MZT2B: variants seen among roughly 807,000 people sequenced by gnomAD.
MZT2B encodes mitotic-spindle organizing protein 2B.
In MZT2B, 11 loss-of-function variants were observed where a neutral mutation model predicts 12.1. The ratio of observed to expected loss-of-function variants is 0.91; its 90% CI spans 0.57 to 1.50. The LOEUF is 1.50. Ranked by LOEUF, MZT2B falls within the 40% of genes most tolerant of loss-of-function variation. MZT2B has a pLI of 0.00. For missense variants in MZT2B, 209 were observed against 227.7 expected (o/e 0.92, Z 0.53); for synonymous variants, 85 against 109.5 (o/e 0.78, Z 1.40).
At chr2:130,202,670 C>T in the MZT2B span, among the ~76,000 whole-genome samples, 1 of 152,176 alleles carries the variant, frequency 6.6e-6, no homozygotes, top group Non-Finnish European at 1.5e-5. Flanking sequence ...TGCCTTTCAG[C>T]GTGCTGCCTG....
At chr2:130,184,555 T>G (rs1483619204) in intron 2 of MZT2B, 3 of 985,216 alleles carry the variant, frequency 3.0e-6, no homozygotes, top group Non-Finnish European at 3.6e-6. Context: ...GGGTCTTTGG[T>G]TGCACCTCCT....
chr2:130,190,677 A>G lies in MZT2B; in HGVS notation c.*51A>G. ...TTGTCCCCAGCAAAGGCTACATGTT[A>G]CCTCCTTCAATTGATAATAAACCTT... On this transcript the variant is annotated 3_prime_UTR_variant, in exon 3 of 3. Coordinates refer to ENST00000281871, the MANE Select transcript of MZT2B (RefSeq NM_025029.5). 6.4e-7 allele frequency: 1 copy of G among 1,558,446 alleles called. No homozygotes were observed. Among genetic ancestry groups the G allele is most frequent in the South Asian group, 1.2e-5 (1 of 85,378 alleles).
In MZT2B at chr2:130,182,342, G is replaced by T. The variant is rs780932617; in HGVS notation, c.60G>T (p.Ala20=). Residue 20 remains alanine, a synonymous_variant, in exon 1 of 3, where the codon GCG becomes GCT. Coordinates refer to ENST00000281871, the MANE Select transcript of MZT2B (RefSeq NM_025029.5). ...CGGCGGCGCCCCCGGGGCTGGAGGC[G>T]GCCCGGCAGAAGCTGGCGCTGCGGC... The part of the protein sequence containing the change: ...PGSAAPPGLE[A]ARQKLALRRK... 2 of 1,531,062 alleles carry T rather than the reference G, an allele frequency of 1.3e-6. No individual in the cohort carries two copies. 94.8% of individuals were successfully genotyped at this position (1,531,062 alleles called of 1,614,324 possible).
chr2:130,192,859 A>G (rs909133106), downstream of MZT2B, among the ~76,000 whole-genome samples: 17 of 152,080 alleles, frequency 1.1e-4, no homozygotes, highest in African/African-American at 4.1e-4. Context: ...ACTTTGGGAG[A>G]CAGGCGGGCA....
At chr2:130,202,936 T>C in the MZT2B span, among the ~76,000 whole-genome samples, 1 of 152,118 alleles carries the variant, frequency 6.6e-6, no homozygotes, top group African/African-American at 2.4e-5. Flanking sequence ...TGTGGCTGAT[T>C]CCCCCATAAC....
chr2:130,203,609 CT>C, the MZT2B span, among the ~76,000 whole-genome samples: 1 of 151,554 alleles, frequency 6.6e-6, no homozygotes, highest in East Asian at 2.0e-4. Flanking sequence ...ATTTTCTTTT[CT>C]TTCTTTTTTA....
At chr2:130,193,799 G>A (rs759484052), downstream of MZT2B, 9 of 1,607,966 alleles carry the variant, frequency 5.6e-6, no homozygotes, top group African/African-American at 2.7e-5. Context: ...AAATCCAGTC[G>A]GGCACCAATC....
the MZT2B span, among the ~76,000 whole-genome samples, chr2:130,197,492 CAAA>C: frequency 9.0e-5 from 4 of 44,402 alleles, no homozygotes; most frequent in African/African-American, 6.5e-5. Flanking sequence ...AGTGCTGTCT[CAAA>C]AAAAAAAAAA....
In MZT2B at chr2:130,183,623, C is replaced by T. The variant is rs1377603765; in HGVS notation, c.319+848C>T. 1.2e-5 allele frequency: 15 copies of T among 1,202,354 alleles called. No homozygotes were observed. The East Asian group carries it at 3.8e-4, about 31-fold the overall frequency. 74.5% of individuals were successfully genotyped at this position (1,202,354 alleles called of 1,614,324 possible). ...GCCTGGAAGCACGAGGAGACCCGCA[C>T]AGGCATCCTGAGAAGGCGTGGAGAG... On this transcript the variant is annotated intron_variant, in intron 2 of 2. Transcript: ENST00000281871.
the MZT2B span, among the ~76,000 whole-genome samples, chr2:130,203,428 A>G: frequency 5.9e-5 from 9 of 151,958 alleles, no homozygotes; most frequent in African/African-American, 2.2e-4. Flanking sequence ...TAGTCCAGCA[A>G]GTGTGACAGT....
the MZT2B span, chr2:130,204,520 G>A: frequency 5.0e-5 from 15 of 302,628 alleles, no homozygotes; most frequent in South Asian, 3.0e-4. Flanking sequence ...GTGAAACCCC[G>A]TCTCTATTAA....
chr2:130,192,293 C>G (rs1189083411), downstream of MZT2B, among the ~76,000 whole-genome samples: 9 of 152,168 alleles, frequency 5.9e-5, no homozygotes, highest in Admixed American at 5.9e-4. Flanking sequence ...GTGATAGTTC[C>G]AGACGAGGAA....
At chr2:130,182,050 C>G, upstream of MZT2B, 1 of 1,348,970 alleles carries the variant, frequency 7.4e-7, no homozygotes, top group South Asian at 1.5e-5. Flanking sequence ...AGCAGCGGAC[C>G]CCTGCGGTCC....
At position 130,184,542 on chromosome 2, in the gene MZT2B, C is replaced by A; in HGVS notation, c.319+1767C>A. On this transcript the variant is annotated intron_variant, in intron 2 of 2. Transcript: ENST00000281871. ...TCAGAGCCAGGGTCCTGTGAGAGCC[C>A]AGGGGTCTTTGGTTGCACCTCCTGC... 5 of 985,350 alleles carry A rather than the reference C, an allele frequency of 5.1e-6. No homozygotes were observed. The South Asian group carries it at 2.3e-4, about 46-fold the overall frequency. 61.0% of individuals were successfully genotyped at this position (985,350 alleles called of 1,614,324 possible).
At chr2:130,187,783 C>A (rs541710349) in intron 2 of MZT2B, among the ~76,000 whole-genome samples, 1 of 152,186 alleles carries the variant, frequency 6.6e-6, no homozygotes, top group Non-Finnish European at 1.5e-5. Context: ...ACCCTGAGAG[C>A]GCACAATTCC....
intron 2 of MZT2B, among the ~76,000 whole-genome samples, chr2:130,185,310 CAA>C (rs34780324): frequency 2.6e-5 from 3 of 117,312 alleles, no homozygotes. Context: ...GACTCCGTCT[CAA>C]AAAAAAAAAA....
chr2:130,202,816 G>GCTGCGC, the MZT2B span, among the ~76,000 whole-genome samples: 2 of 152,124 alleles, frequency 1.3e-5, no homozygotes, highest in African/African-American at 4.8e-5. Context: ...GCAGTGACAC[G>GCTGCGC]CTGCGCCTGA....
At chr2:130,182,082 A>G, upstream of MZT2B, 1 of 1,349,568 alleles carries the variant, frequency 7.4e-7, no homozygotes, top group Non-Finnish European at 9.6e-7. Context: ...CCCGGCTCCT[A>G]GAGCGCCGCT....
intron 2 of MZT2B, chr2:130,184,425 G>T (rs1689973953): frequency 5.1e-6 from 5 of 985,444 alleles, no homozygotes; most frequent in Non-Finnish European, 6.0e-6. Context: ...CCATATGCTG[G>T]CCCCGTGGCC....
Sources: allele counts gnomAD v4.1 joint callset (sites outside exome capture counted in the v4.1 genomes callset), GRCh38; gene constraint gnomAD v4.1.1; transcripts MANE v1.5; gene names NCBI Gene and HGNC (gene_info 2026-07-23, HGNC 2026-07-21).